GRIA3: variants seen among roughly 807,000 people sequenced by gnomAD.
GRIA3 encodes the protein glutamate receptor 3.
In GRIA3, 3 loss-of-function variants were observed where a neutral mutation model predicts 63.0. That is an observed-to-expected ratio of 0.05 (90% CI 0.02 to 0.12). The LOEUF is 0.12. Ranked by LOEUF, GRIA3 falls within the 10% of genes least tolerant of loss-of-function variation. The pLI is 1.00. For synonymous variants in GRIA3, 274 were observed against 257.9 expected (o/e 1.06, Z -0.60); for missense variants, 347 against 700.9 (o/e 0.50, Z 5.70).
At chrX:123,368,780 CAAA>C (rs58125026) in intron 5 of GRIA3, among the ~76,000 whole-genome samples, 90 of 86,021 alleles carry the variant, frequency 1.0e-3, no homozygotes, top group Middle Eastern at 5.7e-3. Context: ...GATCATAATA[CAAA>C]AAAAAAAAAA....
chrX:123,234,772 T>C lies in GRIA3; in HGVS notation c.269-18531T>C, dbSNP rs1389463062. On this transcript the variant is annotated intron_variant, in intron 2 of 15. Transcript: ENST00000620443. ...TGTTCTTTAAGAGCTAAGGTATCCA[T>C]GGGTAAATGTGTTATGTCATAGCAA... Among the ~76,000 whole-genome samples the C allele has an allele frequency of 8.1e-5, 9 of 111,723 alleles. No individual in the cohort carries two copies. The Admixed American group carries it at 8.6e-4, about 11-fold the overall frequency.
intron 12 of GRIA3, among the ~76,000 whole-genome samples, chrX:123,435,185 G>A (rs2045637937): frequency 8.9e-6 from 1 of 111,875 alleles, no homozygotes; most frequent in South Asian, 3.7e-4. Flanking sequence ...TCCCAGCATG[G>A]GCCAATCTCT....
intron 2 of GRIA3, among the ~76,000 whole-genome samples, chrX:123,240,369 T>C (rs2044323246): frequency 1.8e-5 from 2 of 111,835 alleles, no homozygotes; most frequent in Non-Finnish European, 3.8e-5. Context: ...AATAGGTTTT[T>C]TTGCTCTTCA....
intron 3 of GRIA3, among the ~76,000 whole-genome samples, chrX:123,301,832 T>C (rs1403327417): frequency 1.8e-5 from 2 of 111,915 alleles, no homozygotes; most frequent in Non-Finnish European, 3.8e-5. Context: ...CTGTGGAAGC[T>C]GGGCCCACAC....
intron 12 of GRIA3, among the ~76,000 whole-genome samples, chrX:123,444,247 CA>C (rs1256398722): frequency 3.6e-5 from 4 of 111,122 alleles, no homozygotes; most frequent in African/African-American, 6.5e-5. Flanking sequence ...CTCATGCCTC[CA>C]AGTTCCCAAT....
intron 4 of GRIA3, among the ~76,000 whole-genome samples, chrX:123,352,829 C>T (rs1449817983): frequency 9.0e-6 from 1 of 111,201 alleles, no homozygotes; most frequent in Non-Finnish European, 1.9e-5. Flanking sequence ...GGATGTTTCT[C>T]GCAAGCGGAC....
At chrX:123,463,948 T>C (rs1393568064) in intron 12 of GRIA3, among the ~76,000 whole-genome samples, 4 of 111,372 alleles carry the variant, frequency 3.6e-5, no homozygotes, top group African/African-American at 1.3e-4. Context: ...CGTGTCTATT[T>C]CTATACACTC....
chrX:123,257,252 C>G, intron 3 of GRIA3, among the ~76,000 whole-genome samples: 1 of 111,904 alleles, frequency 8.9e-6, no homozygotes, highest in Non-Finnish European at 1.9e-5. Flanking sequence ...TACTTTGTGC[C>G]TCCCCTAGTA....
intron 15 of GRIA3, among the ~76,000 whole-genome samples, chrX:123,484,136 C>CA (rs1192789639): frequency 2.7e-5 from 3 of 112,083 alleles, no homozygotes; most frequent in Admixed American, 1.9e-4. Flanking sequence ...AGCTGCTAGC[C>CA]AAGCCCTAAT....
At chrX:123,285,333 C>G (rs1052910334) in intron 3 of GRIA3, among the ~76,000 whole-genome samples, 13 of 110,340 alleles carry the variant, frequency 1.2e-4, no homozygotes, top group African/African-American at 4.3e-4. Context: ...TATGCAGAAA[C>G]TGCACCAACC....
rs532359024 is a variant in GRIA3 at position 123,320,962 on chromosome X, A to T, written c.509-5064A>T. 1.2e-3 allele frequency among the ~76,000 whole-genome samples: 138 copies of T among 112,101 alleles called. 1 individual carries two copies. The highest frequency in any genetic ancestry group is 4.6e-3 in the Middle Eastern group (1 of 217). On this transcript the variant is annotated intron_variant, in intron 3 of 15. Coordinates refer to ENST00000620443, the MANE Select transcript of GRIA3 (RefSeq NM_007325.5). Reference sequence around the variant, plus strand: ...CGAGAAGCTCCACTTTTACCTGTCTAAGCTATTGGGCTTCCATAAAAATTT... The same window carrying T: ...CGAGAAGCTCCACTTTTACCTGTCTTAGCTATTGGGCTTCCATAAAAATTT...
At chrX:123,482,431 G>A (rs927176526) in intron 14 of GRIA3, among the ~76,000 whole-genome samples, 4 of 111,656 alleles carry the variant, frequency 3.6e-5, no homozygotes, top group Non-Finnish European at 7.5e-5. Context: ...TTATGTCACC[G>A]CTCAACTCTG....
chrX:123,217,554 C>T (rs1214819578), intron 2 of GRIA3, among the ~76,000 whole-genome samples: 1 of 112,082 alleles, frequency 8.9e-6, no homozygotes, highest in Non-Finnish European at 1.9e-5. Context: ...CTCAGAGCTT[C>T]CCCAGTATTT....
rs777256786 is a variant in GRIA3 at position 123,228,927 on chromosome X, T to A, written c.269-24376T>A. On this transcript the variant is annotated intron_variant, in intron 2 of 15. Coordinates refer to ENST00000620443, the MANE Select transcript of GRIA3 (RefSeq NM_007325.5). The stretch of plus-strand genomic sequence containing the variant: ...CAGTAAATCAGTTGATTTAATTATA[T>A]AACACATATTACAAAATGGGGCCAC... 7.2e-4 allele frequency among the ~76,000 whole-genome samples: 80 copies of A among 111,888 alleles called. 1 individual carries two copies. Among genetic ancestry groups the A allele is most frequent in the Admixed American group, 5.7e-4 (6 of 10,607 alleles).
chrX:123,216,977 A>G (rs1167353237), intron 2 of GRIA3, among the ~76,000 whole-genome samples: 1 of 112,170 alleles, frequency 8.9e-6, no homozygotes, highest in African/African-American at 3.2e-5. Context: ...TTCATTACTA[A>G]CATCTAACTC....
At chrX:123,231,503 T>C (rs1370478150) in intron 2 of GRIA3, among the ~76,000 whole-genome samples, 1 of 111,790 alleles carries the variant, frequency 8.9e-6, no homozygotes, top group East Asian at 2.8e-4. Context: ...ATCCCTGTCC[T>C]TATAAAGCTG....
chrX:123,313,745 T>A (rs760311867), intron 3 of GRIA3, among the ~76,000 whole-genome samples: 5 of 112,107 alleles, frequency 4.5e-5, no homozygotes, highest in Non-Finnish European at 7.5e-5. Context: ...CAAGTCTCAC[T>A]TCAGTCAGTT....
At chrX:123,481,881 A>G (rs997331852) in intron 14 of GRIA3, among the ~76,000 whole-genome samples, 1 of 111,505 alleles carries the variant, frequency 9.0e-6, no homozygotes, top group African/African-American at 3.3e-5. Flanking sequence ...GGCTTCCTCA[A>G]TTTTTCCCCC....
At chrX:123,257,854 T>C (rs910117768) in intron 3 of GRIA3, among the ~76,000 whole-genome samples, 8 of 111,549 alleles carry the variant, frequency 7.2e-5, no homozygotes, top group Non-Finnish European at 1.3e-4. Flanking sequence ...GGTAAAGTTT[T>C]CTCTGAAATT....
Sources: gnomAD v4.1 joint callset for allele counts (sites outside exome capture counted in the v4.1 genomes callset) on GRCh38, gnomAD v4.1.1 for gene constraint, MANE v1.5 for transcripts, NCBI Gene and HGNC (gene_info 2026-07-23, HGNC 2026-07-21) for gene names.